The following EML5 variants were observed in gnomAD, a reference collection of about 807,000 sequenced individuals.
EML5 encodes echinoderm microtubule-associated protein-like 5.
Under a neutral mutation model 250.0 loss-of-function variants are expected in EML5, and 120 were observed. The ratio of observed to expected loss-of-function variants is 0.48; its 90% CI spans 0.41 to 0.56. The LOEUF (loss-of-function observed/expected upper bound fraction) is 0.56, where lower values mean the gene tolerates loss of function less well. Among genes scored for constraint, EML5 ranks in the 20% least tolerant of loss-of-function variants. The pLI is 0.00. For missense variants in EML5, 2,006 were observed against 2,437.6 expected (o/e 0.82, Z 3.73); for synonymous variants, 771 against 806.5 (o/e 0.96, Z 0.75).
At chr14:88,687,582 T>C (rs2092861694) in intron 18 of EML5, among the ~76,000 whole-genome samples, 3 of 152,116 alleles carry the variant, frequency 2.0e-5, no homozygotes, top group South Asian at 2.1e-4. Context: ...TCTGTAACTA[T>C]AAGTTAGATC....
At chr14:88,701,155 G>C (rs2093201003) in intron 14 of EML5, among the ~76,000 whole-genome samples, 1 of 152,094 alleles carries the variant, frequency 6.6e-6, no homozygotes, top group African/African-American at 2.4e-5. Context: ...TTTAAAAACA[G>C]GGTGATTTTG....
At chr14:88,779,701 C>T (rs1373749258) in intron 1 of EML5, among the ~76,000 whole-genome samples, 1 of 152,198 alleles carries the variant, frequency 6.6e-6, no homozygotes, top group East Asian at 1.9e-4. Flanking sequence ...CCAGGATCAG[C>T]TGTTTCTCCA....
intron 21 of EML5, among the ~76,000 whole-genome samples, chr14:88,678,736 G>T (rs1025068487): frequency 5.9e-5 from 9 of 152,060 alleles, no homozygotes; most frequent in Non-Finnish European, 1.3e-4. Flanking sequence ...ATTTCACAGA[G>T]ATAATAAAGG....
chr14:88,717,350 A>G (rs894887073), intron 8 of EML5, among the ~76,000 whole-genome samples: 4 of 152,184 alleles, frequency 2.6e-5, no homozygotes, highest in Admixed American at 2.6e-4. Flanking sequence ...CAGTCTGCTG[A>G]GGGAGAATCA....
intron 8 of EML5, among the ~76,000 whole-genome samples, chr14:88,721,398 G>C (rs972750300): frequency 2.0e-5 from 3 of 152,156 alleles, no homozygotes; most frequent in African/African-American, 7.2e-5. Flanking sequence ...AAAACAGCAT[G>C]ATGCTGGTAT....
chr14:88,771,237 T>TC (rs1443798436), intron 1 of EML5, among the ~76,000 whole-genome samples: 2 of 152,248 alleles, frequency 1.3e-5, no homozygotes, highest in East Asian at 3.9e-4. Flanking sequence ...TGAGCACAGT[T>TC]CCCCCCTATC....
Position 88,621,661 on chromosome 14 carries a change from A to G in EML5, c.5014-360T>C, listed in dbSNP as rs1595212770. ...AATAGAATTTATTTTTTAGTTAAAA[A>G]GTAAAAGCTTAACTACAATTTAATA... On this transcript the variant is annotated intron_variant, in intron 37 of 43. Coordinates refer to ENST00000554922, the MANE Select transcript of EML5 (RefSeq NM_183387.3). 3 of 287,412 alleles carry G rather than the reference A, an allele frequency of 1.0e-5. No homozygotes were observed. The East Asian group carries it at 2.5e-4, about 24-fold the overall frequency. The allele number at this position is 287,412 out of a possible 1,614,324, so 17.8% of individuals were successfully genotyped here.
intron 1 of EML5, among the ~76,000 whole-genome samples, chr14:88,770,956 A>C (rs769713401): frequency 6.6e-6 from 1 of 152,208 alleles, no homozygotes; most frequent in Non-Finnish European, 1.5e-5. Context: ...AATTAGATAT[A>C]AGCACTGTCA....
chr14:88,624,939 T>C, intron 36 of EML5, 31 bp downstream of exon 36: 1 of 1,610,394 alleles, frequency 6.2e-7, no homozygotes, highest in Non-Finnish European at 8.5e-7. Flanking sequence ...CACAAATGCA[T>C]AAATATTCTG....
intron 1 of EML5, among the ~76,000 whole-genome samples, chr14:88,763,559 C>T (rs996745615): frequency 1.3e-5 from 2 of 152,116 alleles, no homozygotes; most frequent in Non-Finnish European, 2.9e-5. Context: ...AGATTCACAG[C>T]CGAATTCTAT....
chr14:88,725,275 T>A (rs1459852638), intron 8 of EML5, among the ~76,000 whole-genome samples: 1 of 152,136 alleles, frequency 6.6e-6, no homozygotes, highest in African/African-American at 2.4e-5. Context: ...TGGCACTGAA[T>A]TTTACATTTA....
intron 7 of EML5, among the ~76,000 whole-genome samples, chr14:88,727,449 C>T (rs1221092132): frequency 1.4e-5 from 2 of 147,058 alleles, no homozygotes; most frequent in Non-Finnish European, 1.5e-5. Context: ...TTGTCCAGGC[C>T]GGAGTGCAAT....
chr14:88,626,822 A>G lies in EML5; in HGVS notation c.4740+16T>C. The G allele has an allele frequency of 6.2e-7, 1 of 1,613,156 alleles. No homozygotes were observed. Among genetic ancestry groups the G allele is most frequent in the Non-Finnish European group, 8.5e-7 (1 of 1,179,530 alleles). Reference sequence around the variant, plus strand: ...AAGTAGTCAAAGTCACACTATGTGCATTTTAAGAGACATACTGCACCAAAT... The same window carrying G: ...AAGTAGTCAAAGTCACACTATGTGCGTTTTAAGAGACATACTGCACCAAAT... On this transcript the variant is annotated intron_variant, in intron 35 of 43. Transcript: ENST00000554922.
In EML5 at chr14:88,663,214, G is replaced by T. The variant is rs540111073; in HGVS notation, c.3410-95C>A. The T allele has an allele frequency of 8.6e-6, 7 of 810,066 alleles. No individual in the cohort carries two copies. In the East Asian group the frequency reaches 2.2e-4, roughly 26 times the overall value. 50.2% of individuals were successfully genotyped at this position (810,066 alleles called of 1,614,324 possible). ...GTTTAAGTTTTATGGGAAAAAATCAGCTTAAATATAAAAACCATTTTCTGC... is the reference window on the plus strand; with the variant it reads ...GTTTAAGTTTTATGGGAAAAAATCATCTTAAATATAAAAACCATTTTCTGC... On this transcript the variant is annotated intron_variant, in intron 23 of 43. Coordinates refer to ENST00000554922, the MANE Select transcript of EML5 (RefSeq NM_183387.3).
chr14:88,726,685 A>T lies in EML5; in HGVS notation c.1050-7T>A. 6.6e-7 allele frequency: 1 copy of T among 1,517,332 alleles called. No individual in the cohort carries two copies. Among genetic ancestry groups the T allele is most frequent in the South Asian group, 1.3e-5 (1 of 75,754 alleles). The allele number at this position is 1,517,332 out of a possible 1,614,324, so 94.0% of individuals were successfully genotyped here. On this transcript the variant is annotated splice_region_variant and splice_polypyrimidine_tract_variant and intron_variant, in intron 7 of 43. Coordinates refer to ENST00000554922, the MANE Select transcript of EML5 (RefSeq NM_183387.3). Reference sequence around the variant, plus strand: ...ATCTACTAGGCTCCATATCCTGTAAAATTTAATTTAAAAAATAAAAAAGGT... The same window carrying T: ...ATCTACTAGGCTCCATATCCTGTAATATTTAATTTAAAAAATAAAAAAGGT...
intron 1 of EML5, among the ~76,000 whole-genome samples, chr14:88,784,331 T>G (rs922567643): frequency 6.9e-6 from 1 of 145,872 alleles, no homozygotes; most frequent in Non-Finnish European, 1.5e-5. Flanking sequence ...AAAAAACCAA[T>G]ACAAAATTTC....
chr14:88,709,366 T>C (rs1301142569), intron 10 of EML5, among the ~76,000 whole-genome samples: 3 of 150,000 alleles, frequency 2.0e-5, no homozygotes, highest in Non-Finnish European at 2.9e-5. Flanking sequence ...TACAAAGCAT[T>C]TGTATTATTA....
intron 27 of EML5, among the ~76,000 whole-genome samples, chr14:88,656,556 T>C (rs915879708): frequency 3.9e-5 from 6 of 152,170 alleles, no homozygotes; most frequent in African/African-American, 1.4e-4. Context: ...CCATGGCACA[T>C]GTATACCTAT....
rs183231664 is a variant in EML5, at chr14:88,730,904, T to C, written c.1050-4226A>G. ...GGGGTTTAAAGCCTGTGCTTATTCATTGTATTATTCTTTAGCACGTACTTA... is the reference window on the plus strand; with the variant it reads ...GGGGTTTAAAGCCTGTGCTTATTCACTGTATTATTCTTTAGCACGTACTTA... On this transcript the variant is annotated intron_variant, in intron 7 of 43. Coordinates refer to ENST00000554922, the MANE Select transcript of EML5 (RefSeq NM_183387.3). 1.0e-3 allele frequency among the ~76,000 whole-genome samples: 156 copies of C among 152,292 alleles called. 1 individual carries two copies. The highest frequency in any genetic ancestry group is 3.5e-3 in the African/African-American group (145 of 41,564).
Sources: gnomAD v4.1 joint callset for allele counts (sites outside exome capture counted in the v4.1 genomes callset) on GRCh38, gnomAD v4.1.1 for gene constraint, MANE v1.5 for transcripts, NCBI Gene and HGNC (gene_info 2026-07-23, HGNC 2026-07-21) for gene names.